Variants in SH3BGRL2 observed in about 807,000 individuals in gnomAD.
The protein encoded by SH3BGRL2 is SH3 domain binding glutamate rich protein like 2.
In SH3BGRL2, 21 loss-of-function variants were observed where a neutral mutation model predicts 14.8. The ratio of observed to expected loss-of-function variants is 1.42; its 90% CI spans 1.01 to 2.05. The LOEUF is 2.05. Among genes scored for constraint, SH3BGRL2 ranks in the 30% most tolerant of loss-of-function variants. The pLI is 0.00. For synonymous variants in SH3BGRL2, 50 were observed against 47.8 expected (o/e 1.05, Z -0.19); for missense variants, 147 against 130.8 (o/e 1.12, Z -0.61).
At chr6:79,553,778 C>T in the SH3BGRL2 span, among the ~76,000 whole-genome samples, 1 of 152,052 alleles carries the variant, frequency 6.6e-6, no homozygotes, top group Non-Finnish European at 1.5e-5. Flanking sequence ...TCAAAACCAG[C>T]CTGGCCAACA....
intron 1 of SH3BGRL2, among the ~76,000 whole-genome samples, chr6:79,648,451 G>A (rs1446870999): frequency 6.7e-6 from 1 of 150,088 alleles, no homozygotes; most frequent in Non-Finnish European, 1.5e-5. Flanking sequence ...TAGTAAGATT[G>A]CCTCATTTCT....
chr6:79,555,264 A>G, the SH3BGRL2 span, among the ~76,000 whole-genome samples: 2 of 152,166 alleles, frequency 1.3e-5, no homozygotes, highest in African/African-American at 2.4e-5. Flanking sequence ...AGCCTAGCCA[A>G]CATAGCAAAA....
intron 2 of SH3BGRL2, among the ~76,000 whole-genome samples, chr6:79,681,907 G>T (rs966134436): frequency 6.6e-6 from 1 of 151,508 alleles, no homozygotes; most frequent in African/African-American, 2.4e-5. Flanking sequence ...AGCAGAGATC[G>T]CCCCGCTGCA....
At chr6:79,646,340 A>G (rs1769143688) in intron 1 of SH3BGRL2, among the ~76,000 whole-genome samples, 2 of 152,244 alleles carry the variant, frequency 1.3e-5, no homozygotes, top group South Asian at 4.1e-4. Context: ...GACTAGTTCA[A>G]GTCTACATTG....
chr6:79,683,741 T>C (rs375643224), intron 2 of SH3BGRL2, among the ~76,000 whole-genome samples: 150 of 152,240 alleles, frequency 9.9e-4, no homozygotes, highest in Admixed American at 5.4e-3. Context: ...GCCACCGTGC[T>C]CGGCCGTAAA....
At chr6:79,555,129 T>G in the SH3BGRL2 span, among the ~76,000 whole-genome samples, 1 of 152,140 alleles carries the variant, frequency 6.6e-6, no homozygotes, top group Non-Finnish European at 1.5e-5. Context: ...AATTGGCATT[T>G]TAAAAACCAT....
intron 1 of SH3BGRL2, among the ~76,000 whole-genome samples, chr6:79,672,265 A>T (rs1769789155): frequency 6.6e-6 from 1 of 152,182 alleles, no homozygotes; most frequent in Non-Finnish European, 1.5e-5. Context: ...AAAACATTTT[A>T]AAATAAAACT....
chr6:79,643,029 G>A (rs764833909), intron 1 of SH3BGRL2, among the ~76,000 whole-genome samples: 3 of 152,140 alleles, frequency 2.0e-5, no homozygotes, highest in Non-Finnish European at 4.4e-5. Context: ...CCATTGTGCT[G>A]AGCTTTGGAA....
chr6:79,679,027 G>A (rs1265979839), intron 2 of SH3BGRL2, among the ~76,000 whole-genome samples: 1 of 152,146 alleles, frequency 6.6e-6, no homozygotes, highest in Non-Finnish European at 1.5e-5. Context: ...TCATTGATGT[G>A]CACCTAGGTT....
chr6:79,594,960 G>T, the SH3BGRL2 span, among the ~76,000 whole-genome samples: 2 of 152,202 alleles, frequency 1.3e-5, no homozygotes, highest in Admixed American at 6.5e-5. Context: ...ACAGAGCAAA[G>T]ATTTCAAAAT....
chr6:79,669,051 T>G (rs1453062439), intron 1 of SH3BGRL2, among the ~76,000 whole-genome samples: 1 of 152,180 alleles, frequency 6.6e-6, no homozygotes, highest in African/African-American at 2.4e-5. Flanking sequence ...TTTGAATAGT[T>G]TCTCTTGAAC....
the SH3BGRL2 span, among the ~76,000 whole-genome samples, chr6:79,555,515 T>C: frequency 6.6e-6 from 1 of 152,112 alleles, no homozygotes; most frequent in African/African-American, 2.4e-5. Context: ...ACTGACAAAC[T>C]GTTTGTTTTG....
chr6:79,608,523 C>T, the SH3BGRL2 span, among the ~76,000 whole-genome samples: 1 of 152,158 alleles, frequency 6.6e-6, no homozygotes, highest in African/African-American at 2.4e-5. Context: ...AAGGGCTTGG[C>T]ACATGGTAAC....
the SH3BGRL2 span, among the ~76,000 whole-genome samples, chr6:79,538,420 C>T: frequency 6.6e-6 from 1 of 152,176 alleles, no homozygotes; most frequent in African/African-American, 2.4e-5. Flanking sequence ...ATACATTTTA[C>T]TTCAAGTTAC....
At chr6:79,652,923 T>C (rs573427997) in intron 1 of SH3BGRL2, among the ~76,000 whole-genome samples, 1 of 152,266 alleles carries the variant, frequency 6.6e-6, no homozygotes, top group African/African-American at 2.4e-5. Flanking sequence ...TAATCTACAA[T>C]GTAACATTAG....
chr6:79,566,568 T>G, the SH3BGRL2 span, among the ~76,000 whole-genome samples: 1 of 152,186 alleles, frequency 6.6e-6, no homozygotes, highest in Non-Finnish European at 1.5e-5. Context: ...TTATCGTTTG[T>G]CAGTTGTTTC....
At chr6:79,670,977 T>TTACCTC (rs138929242) in intron 1 of SH3BGRL2, among the ~76,000 whole-genome samples, 18,060 of 152,142 alleles carry the variant, frequency 0.12, 1,199 homozygotes, top group Non-Finnish European at 0.15. Context: ...TGTCATGTGA[T>TTACCTC]TAACAATAGA....
chr6:79,621,434 C>T, the SH3BGRL2 span, among the ~76,000 whole-genome samples: 1 of 152,164 alleles, frequency 6.6e-6, no homozygotes, highest in African/African-American at 2.4e-5. Flanking sequence ...CAAGAAGGTG[C>T]CATCTATGAA....
At chr6:79,632,056 G>A (rs1768836195) in intron 1 of SH3BGRL2, among the ~76,000 whole-genome samples, 1 of 152,266 alleles carries the variant, frequency 6.6e-6, no homozygotes, top group South Asian at 2.1e-4. Flanking sequence ...TGTTGTGGTA[G>A]GATTGTTTGC....
Sources: allele counts gnomAD v4.1 joint callset (sites outside exome capture counted in the v4.1 genomes callset), GRCh38; gene constraint gnomAD v4.1.1; transcripts MANE v1.5; gene names NCBI Gene and HGNC (gene_info 2026-07-23, HGNC 2026-07-21).